The following SOX5 variants were observed in gnomAD, a reference collection of about 807,000 sequenced individuals.
The protein encoded by SOX5 is transcription factor SOX-5.
Under a neutral mutation model 92.0 loss-of-function variants are expected in SOX5, and 9 were observed. The observed-to-expected ratio is 0.10, with a 90% CI of 0.06 to 0.17. The LOEUF is 0.17. SOX5 is among the 10% of genes least tolerant of loss of function. The pLI is 1.00. For missense variants in SOX5, 642 were observed against 944.5 expected, an observed-to-expected ratio of 0.68 and a Z score of 4.20; for synonymous variants, 344 against 336.3, an observed-to-expected ratio of 1.02 and a Z score of -0.25.
chr12:23,979,234 TTG>T (rs943349356), intron 4 of SOX5, among the ~76,000 whole-genome samples: 1 of 152,148 alleles, frequency 6.6e-6, no homozygotes, highest in Admixed American at 6.6e-5. Flanking sequence ...TTGTTTTGCT[TTG>T]TCTTTGAGAC....
At chr12:23,629,180 CA>C (rs1264507411) in intron 8 of SOX5, among the ~76,000 whole-genome samples, 1 of 151,998 alleles carries the variant, frequency 6.6e-6, no homozygotes, top group African/African-American at 2.4e-5. Flanking sequence ...CTGAACTCAG[CA>C]AAATGAAAGC....
intron 3 of SOX5, among the ~76,000 whole-genome samples, chr12:24,275,232 A>C (rs533538765): frequency 1.3e-5 from 2 of 152,284 alleles, no homozygotes; most frequent in South Asian, 4.1e-4. Context: ...CTATGAGGAA[A>C]ATTAAAACTT....
intron 9 of SOX5, among the ~76,000 whole-genome samples, chr12:23,590,891 G>A (rs895352137): frequency 7.9e-5 from 12 of 151,882 alleles, no homozygotes; most frequent in Admixed American, 5.2e-4. Flanking sequence ...GATAAACAAC[G>A]TGTCTCTTTC....
chr12:24,025,335 G>T (rs928201349), intron 4 of SOX5, among the ~76,000 whole-genome samples: 9 of 151,914 alleles, frequency 5.9e-5, no homozygotes, highest in Non-Finnish European at 1.2e-4. Flanking sequence ...AAAAAGAAAC[G>T]TATTTCTCTA....
chr12:23,940,745 T>TACACACACACACACAC (rs36124621), intron 1 of SOX5, among the ~76,000 whole-genome samples: 9 of 139,668 alleles, frequency 6.4e-5, no homozygotes, highest in African/African-American at 2.1e-4. Context: ...AGATAAGTAT[T>TACACACACACACACAC]ACACACACAC....
At chr12:23,642,810 G>A (rs1555223741) in intron 7 of SOX5, among the ~76,000 whole-genome samples, 1 of 147,228 alleles carries the variant, frequency 6.8e-6, no homozygotes, top group East Asian at 2.1e-4. Context: ...ATTATGGGCC[G>A]GGCGCGGTGG....
chr12:24,489,641 A>G (rs1472919397), intron 1 of SOX5, among the ~76,000 whole-genome samples: 18 of 36,030 alleles, frequency 5.0e-4, no homozygotes, highest in Non-Finnish European at 8.1e-4. Flanking sequence ...TTCTTGCCCC[A>G]GATCACTTAA....
At chr12:23,743,482 T>G (rs1487208055) in intron 4 of SOX5, among the ~76,000 whole-genome samples, 1 of 152,004 alleles carries the variant, frequency 6.6e-6, no homozygotes, top group Non-Finnish European at 1.5e-5. Flanking sequence ...GCTAATTTTT[T>G]TATATTTTTA....
intron 4 of SOX5, among the ~76,000 whole-genome samples, chr12:24,047,168 A>G (rs1957123695): frequency 6.6e-6 from 1 of 152,218 alleles, no homozygotes; most frequent in Non-Finnish European, 1.5e-5. Context: ...AAAACATTTC[A>G]GTGTCACTGA....
In SOX5 at chr12:24,330,970, T is replaced by C. The variant is rs561670786; in HGVS notation, c.-174+37593A>G. Among the ~76,000 whole-genome samples the C allele has an allele frequency of 1.8e-4, 27 of 152,284 alleles. No homozygotes were observed. In the East Asian group the frequency reaches 5.2e-3, roughly 29 times the overall value. Reference sequence around the variant, plus strand: ...CTGATGAAGCAGCCACACGCTAATATATAAACATACAAGGCTGCGGCTAAA... The same window carrying C: ...CTGATGAAGCAGCCACACGCTAATACATAAACATACAAGGCTGCGGCTAAA... On this transcript the variant is annotated intron_variant, in intron 2 of 4. Coordinates refer to the SOX5 transcript ENST00000446891.
intron 4 of SOX5, among the ~76,000 whole-genome samples, chr12:23,991,773 A>G (rs924068657): frequency 2.6e-5 from 4 of 151,540 alleles, no homozygotes; most frequent in African/African-American, 4.8e-5. Flanking sequence ...TACTTTATAC[A>G]TAATTATGCA....
chr12:24,167,890 A>C (rs1953611768), intron 4 of SOX5, among the ~76,000 whole-genome samples: 1 of 152,176 alleles, frequency 6.6e-6, no homozygotes, highest in African/African-American at 2.4e-5. Context: ...AGAGAAAGGG[A>C]AAGAGCCAGG....
intron 1 of SOX5, among the ~76,000 whole-genome samples, chr12:24,517,623 G>A (rs1949909403): frequency 6.6e-6 from 1 of 151,936 alleles, no homozygotes; most frequent in Non-Finnish European, 1.5e-5. Context: ...CATCACTAAT[G>A]GATGTTTAAC....
intron 4 of SOX5, among the ~76,000 whole-genome samples, chr12:24,173,448 A>G (rs16927285): frequency 0.035 from 5,274 of 152,340 alleles, 101 homozygotes; most frequent in Middle Eastern, 0.065. Flanking sequence ...TGAGCTTGTC[A>G]TATTTTGAGA....
intron 3 of SOX5, among the ~76,000 whole-genome samples, chr12:24,233,093 G>A (rs780944535): frequency 4.6e-5 from 7 of 152,170 alleles, no homozygotes; most frequent in Non-Finnish European, 7.3e-5. Flanking sequence ...TCAGAGCATA[G>A]ATTTCACAGC....
chr12:23,654,532 T>G (rs2082073223), intron 7 of SOX5, among the ~76,000 whole-genome samples: 2 of 152,130 alleles, frequency 1.3e-5, no homozygotes, highest in Non-Finnish European at 1.5e-5. Context: ...ATTTTATACT[T>G]TCTTAAATCC....
At chr12:24,519,215 C>CA (rs1225358258) in intron 1 of SOX5, among the ~76,000 whole-genome samples, 1 of 152,024 alleles carries the variant, frequency 6.6e-6, no homozygotes, top group East Asian at 1.9e-4. Flanking sequence ...TTCATTCACT[C>CA]AAAAATATTT....
chr12:23,723,662 G>A (rs2092954345), intron 6 of SOX5, among the ~76,000 whole-genome samples: 1 of 147,506 alleles, frequency 6.8e-6, no homozygotes, highest in South Asian at 2.1e-4. Context: ...GAAGATAAAA[G>A]AAAAGTAAAT....
chr12:24,350,678 A>T (rs1034665128), intron 2 of SOX5, among the ~76,000 whole-genome samples: 1 of 152,142 alleles, frequency 6.6e-6, no homozygotes, highest in Non-Finnish European at 1.5e-5. Context: ...TTTATGAGAA[A>T]AATGGAGATA....
Sources: allele counts gnomAD v4.1 joint callset (sites outside exome capture counted in the v4.1 genomes callset), GRCh38; gene constraint gnomAD v4.1.1; transcripts MANE v1.5; gene names NCBI Gene and HGNC (gene_info 2026-07-23, HGNC 2026-07-21).